GRM8: variants seen among roughly 807,000 people sequenced by gnomAD.
GRM8 encodes metabotropic glutamate receptor 8.
In GRM8, 47 loss-of-function variants were observed where a neutral mutation model predicts 87.2. The ratio of observed to expected loss-of-function variants is 0.54; its 90% CI spans 0.43 to 0.69. The LOEUF is 0.69. Among genes scored for constraint, GRM8 ranks in the 30% least tolerant of loss-of-function variants. The pLI is 0.00. For missense variants in GRM8, 1,019 were observed against 1,139.2 expected, an observed-to-expected ratio of 0.89 and a Z score of 1.52; for synonymous variants, 396 against 404.5, an observed-to-expected ratio of 0.98 and a Z score of 0.25.
At chr7:127,006,847 G>A (rs191758815) in intron 3 of GRM8, among the ~76,000 whole-genome samples, 1 of 152,016 alleles carries the variant, frequency 6.6e-6, no homozygotes, top group African/African-American at 2.4e-5. Context: ...TATTTGATCT[G>A]TTTCCCTGAG....
chr7:126,445,413 G>A (rs1801911155), intron 10 of GRM8: 1 of 152,066 alleles, frequency 6.6e-6, no homozygotes, highest in Non-Finnish European at 1.5e-5. Flanking sequence ...GTTGAGCACA[G>A]ATTTCTGTGT....
At chr7:126,746,978 T>C (rs1371680920) in intron 7 of GRM8, among the ~76,000 whole-genome samples, 1 of 151,870 alleles carries the variant, frequency 6.6e-6, no homozygotes, top group Non-Finnish European at 1.5e-5. Context: ...TTCATGCTAA[T>C]ATGTTTTGCT....
chr7:127,010,720 A>C (rs1340339954), intron 3 of GRM8, among the ~76,000 whole-genome samples: 2 of 152,172 alleles, frequency 1.3e-5, no homozygotes, highest in African/African-American at 4.8e-5. Context: ...AAAATTCTGT[A>C]ATTCAGAAAC....
At chr7:127,059,173 T>C (rs1262987250) in intron 3 of GRM8, among the ~76,000 whole-genome samples, 1 of 152,068 alleles carries the variant, frequency 6.6e-6, no homozygotes, top group African/African-American at 2.4e-5. Context: ...TATTTTTGTA[T>C]CTTGAAAAAT....
At chr7:126,472,026 C>T (rs569870553) in intron 9 of GRM8, among the ~76,000 whole-genome samples, 14 of 152,010 alleles carry the variant, frequency 9.2e-5, no homozygotes, top group South Asian at 2.1e-4. Context: ...GTGATTTTTG[C>T]ACATTGATTT....
At chr7:127,032,260 G>C (rs1269522547) in intron 3 of GRM8, among the ~76,000 whole-genome samples, 2 of 152,146 alleles carry the variant, frequency 1.3e-5, no homozygotes, top group African/African-American at 4.8e-5. Context: ...AATCCTCACA[G>C]ACATGCTCCA....
intron 6 of GRM8, among the ~76,000 whole-genome samples, chr7:126,779,108 C>A (rs1485058317): frequency 6.6e-6 from 1 of 151,908 alleles, no homozygotes; most frequent in African/African-American, 2.4e-5. Context: ...TGTCCTTAAT[C>A]TTTCATTAAG....
At chr7:126,872,253 T>G (rs184973820) in intron 6 of GRM8, among the ~76,000 whole-genome samples, 327 of 152,278 alleles carry the variant, frequency 2.1e-3, no homozygotes, top group Non-Finnish European at 3.6e-3. Context: ...ATCTCTTATT[T>G]TCTGCTTTCC....
chr7:126,583,726 C>T (rs984985343), intron 8 of GRM8, among the ~76,000 whole-genome samples: 3 of 151,754 alleles, frequency 2.0e-5, no homozygotes, highest in African/African-American at 7.3e-5. Context: ...AAAACTTGAA[C>T]AGATGAGTAA....
intron 8 of GRM8, among the ~76,000 whole-genome samples, chr7:126,553,816 C>A (rs1792851771): frequency 6.6e-6 from 1 of 152,052 alleles, no homozygotes; most frequent in African/African-American, 2.4e-5. Context: ...AGCTGGAAAG[C>A]AATTCAATGA....
intron 7 of GRM8, among the ~76,000 whole-genome samples, chr7:126,663,948 C>T (rs1023861558): frequency 2.6e-5 from 4 of 152,030 alleles, no homozygotes; most frequent in African/African-American, 7.3e-5. Flanking sequence ...GTAAAGTGTC[C>T]GGATACAAAA....
intron 3 of GRM8, among the ~76,000 whole-genome samples, chr7:126,931,523 A>C (rs1252098018): frequency 6.6e-6 from 1 of 152,220 alleles, no homozygotes; most frequent in African/African-American, 2.4e-5. Flanking sequence ...AAAAACCCAA[A>C]ATATTAATAA....
intron 7 of GRM8, among the ~76,000 whole-genome samples, chr7:126,613,824 T>G (rs1235945305): frequency 6.6e-6 from 1 of 152,112 alleles, no homozygotes; most frequent in Non-Finnish European, 1.5e-5. Flanking sequence ...GCAGCGAGGC[T>G]GGGGGAGGGG....
At chr7:126,836,746 C>T (rs1795855531) in intron 6 of GRM8, among the ~76,000 whole-genome samples, 1 of 152,184 alleles carries the variant, frequency 6.6e-6, no homozygotes, top group Non-Finnish European at 1.5e-5. Context: ...CTCTATTCTT[C>T]CTTTGAAACA....
intron 2 of GRM8, among the ~76,000 whole-genome samples, chr7:127,164,920 CTTAT>C (rs1793342130): frequency 6.6e-6 from 1 of 151,726 alleles, no homozygotes; most frequent in South Asian, 2.1e-4. Context: ...AATAACAGTA[CTTAT>C]TTATTAGAAT....
chr7:126,967,007 C>G (rs1240542825), intron 3 of GRM8, among the ~76,000 whole-genome samples: 1 of 152,156 alleles, frequency 6.6e-6, no homozygotes, highest in Non-Finnish European at 1.5e-5. Flanking sequence ...TCTCTGATCT[C>G]CCCAGGACAG....
chr7:126,743,673 A>T (rs570322785), intron 7 of GRM8, among the ~76,000 whole-genome samples: 1 of 152,110 alleles, frequency 6.6e-6, no homozygotes, highest in African/African-American at 2.4e-5. Flanking sequence ...TTGCTTCTCT[A>T]ACAGTATACG....
Position 126,517,785 on chromosome 7 carries a change from T to C in GRM8, c.2430+15167A>G, listed in dbSNP as rs544066584. Among the ~76,000 whole-genome samples, 6 of 152,184 alleles carry C rather than the reference T, an allele frequency of 3.9e-5. No individual in the cohort carries two copies. The East Asian group carries it at 1.2e-3, about 29-fold the overall frequency. On this transcript the variant is annotated intron_variant, in intron 9 of 10. Coordinates refer to ENST00000339582, the MANE Select transcript of GRM8 (RefSeq NM_000845.3). ...AGATTCTGGAGAAAAGCACCTGCTT[T>C]TGAAGGTTTCAAGTCTAAGGGAAAT...
At chr7:127,007,611 T>C (rs889175836) in intron 3 of GRM8, among the ~76,000 whole-genome samples, 1 of 152,102 alleles carries the variant, frequency 6.6e-6, no homozygotes, top group African/African-American at 2.4e-5. Context: ...ATAATAAATT[T>C]TTCGCATTTT....
Sources: gnomAD v4.1 joint callset for allele counts (sites outside exome capture counted in the v4.1 genomes callset) on GRCh38, gnomAD v4.1.1 for gene constraint, MANE v1.5 for transcripts, NCBI Gene and HGNC (gene_info 2026-07-23, HGNC 2026-07-21) for gene names.